Variants in GTF2B observed in about 807,000 individuals in gnomAD.
GTF2B encodes transcription initiation factor IIB.
GTF2B carries 20 observed loss-of-function variants against 34.6 expected under a neutral mutation model. The observed-to-expected ratio is 0.58, with a 90% CI of 0.41 to 0.84. GTF2B has a LOEUF of 0.84. Among genes scored for constraint, GTF2B ranks in the 40% least tolerant of loss-of-function variants. The pLI is 0.00. For missense variants in GTF2B, 237 were observed against 393.3 expected (o/e 0.60, Z 3.36); for synonymous variants, 142 against 132.4 (o/e 1.07, Z -0.50).
intron 3 of GTF2B, among the ~76,000 whole-genome samples, chr1:88,860,493 A>C (rs1171978821): frequency 6.6e-6 from 1 of 152,190 alleles, no homozygotes; most frequent in Non-Finnish European, 1.5e-5. Context: ...TATAAATAGA[A>C]ATATGATACA....
chr1:88,862,702 G>A (rs111763030), intron 3 of GTF2B, among the ~76,000 whole-genome samples: 13,259 of 151,798 alleles, frequency 0.087, 1,333 homozygotes, highest in African/African-American at 0.25. Flanking sequence ...GCAGTCGCGC[G>A]ATCTCAGCTC....
chr1:88,880,670 T>C (rs1383436217), intron 2 of GTF2B, among the ~76,000 whole-genome samples: 2 of 152,168 alleles, frequency 1.3e-5, no homozygotes, highest in Non-Finnish European at 2.9e-5. Flanking sequence ...CCACTTTTCA[T>C]AGGTAAACTG....
chr1:88,871,325 T>C (rs1673688865), intron 2 of GTF2B, among the ~76,000 whole-genome samples: 1 of 152,216 alleles, frequency 6.6e-6, no homozygotes, highest in South Asian at 2.1e-4. Flanking sequence ...CTCAGTGGCT[T>C]AAAATGAAGG....
At chr1:88,872,356 G>A (rs543958099) in intron 2 of GTF2B, among the ~76,000 whole-genome samples, 1 of 149,256 alleles carries the variant, frequency 6.7e-6, no homozygotes, top group African/African-American at 2.5e-5. Context: ...GGGAGGCTGA[G>A]GAGGAGAACT....
intron 2 of GTF2B, among the ~76,000 whole-genome samples, chr1:88,866,064 G>C (rs1217986025): frequency 6.6e-6 from 1 of 151,508 alleles, no homozygotes; most frequent in African/African-American, 2.4e-5. Context: ...TAATCTTAGT[G>C]ATAGATTTAA....
chr1:88,866,655 A>G (rs1036788783), intron 2 of GTF2B, among the ~76,000 whole-genome samples: 1 of 152,100 alleles, frequency 6.6e-6, no homozygotes, highest in Non-Finnish European at 1.5e-5. Context: ...TGATCCACTC[A>G]CCTCGGCCTC....
chr1:88,863,064 C>T (rs1053645020), intron 3 of GTF2B, among the ~76,000 whole-genome samples: 5 of 152,028 alleles, frequency 3.3e-5, no homozygotes, highest in Middle Eastern at 3.4e-3. Context: ...TTACTTCCAA[C>T]TCGGATAACA....
intron 2 of GTF2B, 89 bp from the exon 3 acceptor site, chr1:88,864,203 C>A: frequency 1.7e-6 from 2 of 1,187,480 alleles, no homozygotes; most frequent in South Asian, 1.3e-5. Flanking sequence ...CCATTTTATT[C>A]CCAGGAAATC....
chr1:88,866,915 C>T (rs1467171292), intron 2 of GTF2B, among the ~76,000 whole-genome samples: 5 of 152,058 alleles, frequency 3.3e-5, no homozygotes, highest in East Asian at 3.9e-4. Context: ...GCAGGTGGCC[C>T]GAAACAAGGA....
intron 2 of GTF2B, among the ~76,000 whole-genome samples, chr1:88,874,381 A>G (rs1026686018): frequency 1.3e-4 from 19 of 151,722 alleles, no homozygotes; most frequent in African/African-American, 4.1e-4. Flanking sequence ...TGACACAATC[A>G]TATCACTGCA....
chr1:88,872,823 CTGTGT>C (rs1160040702), intron 2 of GTF2B, among the ~76,000 whole-genome samples: 6 of 151,988 alleles, frequency 3.9e-5, no homozygotes, highest in African/African-American at 1.5e-4. Context: ...TCTCCTTGTG[CTGTGT>C]TACTTTTTTC....
At chr1:88,878,062 C>T (rs1040112596) in intron 2 of GTF2B, among the ~76,000 whole-genome samples, 35 of 152,136 alleles carry the variant, frequency 2.3e-4, no homozygotes, top group African/African-American at 7.7e-4. Flanking sequence ...TAAGGCCAGA[C>T]GTTCAAGACC....
chr1:88,875,028 C>T (rs1188939683), intron 2 of GTF2B, among the ~76,000 whole-genome samples: 1 of 152,140 alleles, frequency 6.6e-6, no homozygotes, highest in African/African-American at 2.4e-5. Flanking sequence ...AGCTTCCACA[C>T]TTTCTGTGGT....
intron 1 of GTF2B, among the ~76,000 whole-genome samples, chr1:88,891,027 C>A (rs1036060982): frequency 6.8e-6 from 1 of 146,406 alleles, no homozygotes; most frequent in East Asian, 2.0e-4. Context: ...GCTGTCAGAT[C>A]GATAGGAACC....
In GTF2B at chr1:88,856,275, AAAAAAAAAAAAAAAAC is replaced by A. The variant is rs1395347672; in HGVS notation, c.817+915_817+930del. Among the ~76,000 whole-genome samples, 73 of 127,260 alleles carry A rather than the reference AAAAAAAAAAAAAAAAC, an allele frequency of 5.7e-4. 2 individuals are homozygous for A. Among genetic ancestry groups the A allele is most frequent in the Admixed American group, 1.8e-3 (22 of 12,518 alleles). The allele number at this position is 127,260 out of a possible 152,430, so 83.5% of individuals were successfully genotyped here. On this transcript the variant is annotated intron_variant, in intron 6 of 6. Coordinates refer to ENST00000370500, the MANE Select transcript of GTF2B (RefSeq NM_001514.6). ...CAGAGGGAGACTGTTTCAAAAACAAAAAAAAAAAAAAAAAACAAAAAAAAAAAAGGAAAAGAAATTC... is the reference window on the plus strand; with the variant it reads ...CAGAGGGAGACTGTTTCAAAAACAAAAAAAAAAAAAAAGGAAAAGAAATTC...
chr1:88,860,190 T>G lies in GTF2B; in HGVS notation c.355A>C (p.Lys119Gln), dbSNP rs757282415. 6.2e-7 allele frequency: 1 copy of G among 1,613,986 alleles called. No homozygotes were observed. The highest frequency in any genetic ancestry group is 8.5e-7 in the Non-Finnish European group (1 of 1,179,828). Residue 119 changes from lysine to glutamine, a missense_variant, in exon 4 of 7, where the codon AAA becomes CAA. By Grantham distance (53) the Lys-to-Gln change is moderately conservative. This residue lies in a region of GTF2B where 130 missense variants were observed against 170.9 expected (regional missense o/e 0.76). Transcript: ENST00000370500. ...CTGTCTGCCATGGTAGTGATTTCTT[T>G]GAATGCATTCATCATTGCCCGATCA... is the stretch of plus-strand genomic sequence containing the variant. ...SSDRAMMNAF[K>Q]EITTMADRIN...
intron 3 of GTF2B, among the ~76,000 whole-genome samples, chr1:88,862,371 G>C (rs1673457553): frequency 1.3e-5 from 2 of 152,056 alleles, no homozygotes; most frequent in Non-Finnish European, 2.9e-5. Context: ...GCGAAACTTT[G>C]TCTCTACAAA....
intron 2 of GTF2B, among the ~76,000 whole-genome samples, chr1:88,881,505 TA>T (rs1482975981): frequency 6.6e-6 from 1 of 152,220 alleles, no homozygotes; most frequent in African/African-American, 2.4e-5. Context: ...ATGTTCAATT[TA>T]GGTATTTCCA....
intron 1 of GTF2B, among the ~76,000 whole-genome samples, chr1:88,889,372 CAATAGGGAGG>C (rs1557663494): frequency 6.6e-6 from 1 of 152,118 alleles, no homozygotes; most frequent in South Asian, 2.1e-4. Flanking sequence ...CAGAGAGAAA[CAATAGGGAGG>C]AATAGAGAAA....
Sources: gnomAD v4.1 joint callset for allele counts (sites outside exome capture counted in the v4.1 genomes callset) on GRCh38, gnomAD v4.1.1 for gene constraint, gnomAD v4.1.1 regional missense constraint, MANE v1.5 for transcripts, NCBI Gene and HGNC (gene_info 2026-07-23, HGNC 2026-07-21) for gene names.